ASMT: variants seen among roughly 807,000 people sequenced by gnomAD.
The protein encoded by ASMT is acetylserotonin N-methyltransferase.
ASMT carries 53 observed loss-of-function variants against 41.3 expected under a neutral mutation model. The ratio of observed to expected loss-of-function variants is 1.28; its 90% CI spans 1.03 to 1.61. ASMT has a LOEUF of 1.61. ASMT is among the 40% of genes most tolerant of loss of function. The pLI is 0.00. For synonymous variants in ASMT, 231 were observed against 184.8 expected, an observed-to-expected ratio of 1.25 and a Z score of -2.03; for missense variants, 531 against 441.3, an observed-to-expected ratio of 1.20 and a Z score of -1.82.
At chrX:1,621,744 G>A (rs1229919186) in intron 1 of ASMT, among the ~76,000 whole-genome samples, 2 of 152,112 alleles carry the variant, frequency 1.3e-5, no homozygotes, top group Admixed American at 1.3e-4. Context: ...TGCCCAGGCT[G>A]GAGTGCAATG....
intron 1 of ASMT, among the ~76,000 whole-genome samples, chrX:1,617,829 G>A (rs1405866562): frequency 6.6e-6 from 1 of 151,894 alleles, no homozygotes; most frequent in East Asian, 2.0e-4. Context: ...TGGTCAGGCT[G>A]GTCTCGAACT....
Position 1,615,807 on chromosome X carries a change from A to G in ASMT, c.69+539A>G, listed in dbSNP as rs1390547964. Among the ~76,000 whole-genome samples, 8 of 151,914 alleles carry G rather than the reference A, an allele frequency of 5.3e-5. No individual in the cohort carries two copies. The East Asian group carries it at 5.8e-4, about 11-fold the overall frequency. ...ACACAGCAAGACTCTGTGTCAAAAA[A>G]AAACCAAACAAACAACAAAAAAAAA... On this transcript the variant is annotated intron_variant, in intron 1 of 8. Coordinates refer to ENST00000381241, the MANE Select transcript of ASMT (RefSeq NM_001171038.2).
intron 7 of ASMT, among the ~76,000 whole-genome samples, chrX:1,634,655 C>CG (rs368963421): frequency 0.012 from 1,827 of 149,374 alleles, 42 homozygotes; most frequent in African/African-American, 0.042. Context: ...CTGAGTTAAC[C>CG]CCCCCCCTTT....
At chrX:1,628,980 C>T (rs1934668353) in intron 4 of ASMT, among the ~76,000 whole-genome samples, 1 of 150,246 alleles carries the variant, frequency 6.7e-6, no homozygotes, top group African/African-American at 2.5e-5. Context: ...CTTTCTCCTT[C>T]CTTCCTTCGT....
Position 1,637,051 on chromosome X carries a change from C to T in ASMT, c.910+491C>T, listed in dbSNP as rs866174589. ...CTGTGAGGTCCATCCATCCTGATGG[C>T]ACATGAGGATGTGGGCACAGCCTCT... is the stretch of plus-strand genomic sequence containing the variant. On this transcript the variant is annotated intron_variant, in intron 8 of 8. Coordinates refer to ENST00000381241, the MANE Select transcript of ASMT (RefSeq NM_001171038.2). Among the ~76,000 whole-genome samples the T allele has an allele frequency of 5.5e-3, 463 of 84,332 alleles. 29 individuals are homozygous for T. Among genetic ancestry groups the T allele is most frequent in the Non-Finnish European group, 7.5e-3 (298 of 39,842 alleles). The allele number at this position is 84,332 out of a possible 152,430, so 55.3% of individuals were successfully genotyped here. A position where few individuals can be genotyped will look rare whatever the true frequency, so the allele number is the denominator to read the frequency against.
At chrX:1,642,427 C>CTG (rs1556155116) in intron 8 of ASMT, among the ~76,000 whole-genome samples, 2 of 150,064 alleles carry the variant, frequency 1.3e-5, no homozygotes, top group Admixed American at 6.7e-5. Flanking sequence ...GGCTCAGCCT[C>CTG]TGTGTGTAAT....
chrX:1,624,410 C>T lies in ASMT; in HGVS notation c.374+12C>T. 4.4e-6 allele frequency: 7 copies of T among 1,608,068 alleles called. No homozygotes were observed. Among genetic ancestry groups the T allele is most frequent in the Non-Finnish European group, 5.9e-6 (7 of 1,176,966 alleles). On this transcript the variant is annotated intron_variant, in intron 3 of 8. Coordinates refer to ENST00000381241, the MANE Select transcript of ASMT (RefSeq NM_001171038.2). ...GCAGACGCCGTGAGGTGGGGGCTGC[C>T]CCCAGGCAGATGCTGGGAGGTGGTG...
intron 6 of ASMT, 42 bp from the exon 7 acceptor site, chrX:1,633,108 A>G: frequency 2.5e-6 from 4 of 1,613,634 alleles, no homozygotes; most frequent in Non-Finnish European, 3.4e-6. Flanking sequence ...GATGTCTCTC[A>G]GGTTCATCTC....
chrX:1,628,946 CTTTCT>C (rs1569377175), intron 4 of ASMT, among the ~76,000 whole-genome samples: 5 of 144,030 alleles, frequency 3.5e-5, no homozygotes, highest in African/African-American at 1.0e-4. Flanking sequence ...CTCTCTCTTT[CTTTCT>C]TTCCTTCTTT....
chrX:1,618,811 C>T (rs1229514321), intron 1 of ASMT, among the ~76,000 whole-genome samples: 2 of 152,202 alleles, frequency 1.3e-5, no homozygotes, highest in Non-Finnish European at 2.9e-5. Context: ...CCTTTGCCTC[C>T]TTTGACCGCA....
chrX:1,624,319 C>G lies in ASMT; in HGVS notation c.295C>G (p.Pro99Ala). 1 of 1,614,016 alleles carries G rather than the reference C, an allele frequency of 6.2e-7. No homozygotes were observed. Among genetic ancestry groups the G allele is most frequent in the East Asian group, 2.2e-5 (1 of 44,886 alleles). ...CAGCGACTACCTGACCACGGTCAGC[C>G]CGACGTCACAATGCAGCATGCTGAA... ...LSSDYLTTVS[P>A]TSQCSMLKYM... is the part of the protein sequence containing the mutation. Residue 99 changes from proline to alanine, a missense_variant, in exon 3 of 9, where the codon CCG becomes GCG. Physicochemically the swap from Pro to Ala is conservative, Grantham distance 27. Transcript: ENST00000381241.
chrX:1,632,498 TA>T (rs1934812723), intron 5 of ASMT, among the ~76,000 whole-genome samples: 1 of 151,424 alleles, frequency 6.6e-6, no homozygotes, highest in South Asian at 2.1e-4. Flanking sequence ...AAAAATACAA[TA>T]AAAAAATTAG....
intron 1 of ASMT, among the ~76,000 whole-genome samples, chrX:1,619,985 C>T (rs1273296382): frequency 2.0e-5 from 3 of 150,316 alleles, no homozygotes; most frequent in Non-Finnish European, 3.0e-5. Flanking sequence ...TTCAGCTACT[C>T]GGGAGACTGA....
At chrX:1,627,633 CGAAATGAAAT>C (rs542448808) in intron 3 of ASMT, 60 bp from the exon 4 acceptor site, 212,847 of 1,198,396 alleles carry the variant, frequency 0.18, 23,304 homozygotes, top group East Asian at 0.41. Flanking sequence ...CGAAATGAAA[CGAAATGAAAT>C]GAAATGAAAT....
chrX:1,626,819 C>T (rs34299450), intron 3 of ASMT, among the ~76,000 whole-genome samples: 101,541 of 147,088 alleles, frequency 0.69, 33,599 homozygotes, highest in East Asian at 0.8. Flanking sequence ...CCTGAGGTCA[C>T]GAGTTCGAGA....
Position 1,637,081 on chromosome X carries a change from G to A in ASMT, c.910+521G>A, listed in dbSNP as rs59294558. ...GAGGATGTGGGCACAGCCTCTGTGT[G>A]TGAGATAAGGACTGTGTCCCAGCTC... On this transcript the variant is annotated intron_variant, in intron 8 of 8. Coordinates refer to ENST00000381241, the MANE Select transcript of ASMT (RefSeq NM_001171038.2). Among the ~76,000 whole-genome samples the A allele has an allele frequency of 7.2e-4, 74 of 102,656 alleles. 1 individual carries two copies. The highest frequency in any genetic ancestry group is 4.9e-3 in the Middle Eastern group (1 of 204). The allele number at this position is 102,656 out of a possible 152,430, so 67.3% of individuals were successfully genotyped here.
Position 1,636,455 on chromosome X carries a change from C to T in ASMT, c.805C>T (p.Pro269Ser), listed in dbSNP as rs775384287. 8 of 1,613,850 alleles carry T rather than the reference C, an allele frequency of 5.0e-6. No homozygotes were observed. The South Asian group carries it at 8.8e-5, about 18-fold the overall frequency. Residue 269 changes from proline to serine, a missense_variant, in exon 8 of 9, where the codon CCT becomes TCT. Physicochemically the swap from Pro to Ser is moderately conservative, Grantham distance 74. Transcript: ENST00000381241. ...DFQEGDFFKD[P>S]LPEADLYILA... Reference sequence around the variant, plus strand: ...TGTTCCAGGGGATTTCTTCAAAGACCCTCTTCCGGAAGCTGATCTGTACAT... The same window carrying T: ...TGTTCCAGGGGATTTCTTCAAAGACTCTCTTCCGGAAGCTGATCTGTACAT...
At chrX:1,635,878 C>CAAACAAAA (rs1303877628) in intron 7 of ASMT, among the ~76,000 whole-genome samples, 4 of 148,274 alleles carry the variant, frequency 2.7e-5, no homozygotes, top group African/African-American at 9.9e-5. Flanking sequence ...AACAAACAAA[C>CAAACAAAA]AAAAAAACAA....
At chrX:1,630,148 T>C (rs1934716956) in intron 5 of ASMT, among the ~76,000 whole-genome samples, 1 of 152,074 alleles carries the variant, frequency 6.6e-6, no homozygotes, top group Admixed American at 6.6e-5. Flanking sequence ...TCTTTTCTTT[T>C]TTTAAGATGG....
Sources: allele counts gnomAD v4.1 joint callset (sites outside exome capture counted in the v4.1 genomes callset), GRCh38; gene constraint gnomAD v4.1.1; transcripts MANE v1.5; gene names NCBI Gene and HGNC (gene_info 2026-07-23, HGNC 2026-07-21).